Variants in SLC1A3 observed in about 807,000 individuals in gnomAD.
SLC1A3 encodes the protein excitatory amino acid transporter 1.
In SLC1A3, 21 loss-of-function variants were observed where a neutral mutation model predicts 48.1. The ratio of observed to expected loss-of-function variants is 0.44; its 90% CI spans 0.31 to 0.63. The LOEUF is 0.63. SLC1A3 is among the 20% of genes least tolerant of loss of function. The pLI is 0.08. For synonymous variants in SLC1A3, 239 were observed against 251.4 expected (o/e 0.95, Z 0.47); for missense variants, 546 against 689.0 (o/e 0.79, Z 2.32).
At chr5:36,651,924 T>A (rs1051637130) in intron 3 of SLC1A3, among the ~76,000 whole-genome samples, 2 of 152,138 alleles carry the variant, frequency 1.3e-5, no homozygotes, top group Non-Finnish European at 2.9e-5. Context: ...GGGTCAAAGT[T>A]CCAAGGTCCT....
chr5:36,648,769 T>G (rs1040753015), intron 3 of SLC1A3, among the ~76,000 whole-genome samples: 1 of 152,186 alleles, frequency 6.6e-6, no homozygotes, highest in South Asian at 2.1e-4. Flanking sequence ...ACTACATACA[T>G]TGTGAAGACT....
rs1051146125 is a variant in SLC1A3 at position 36,675,617 on chromosome 5, G to A, written c.568-1275G>A. Among the ~76,000 whole-genome samples the A allele has an allele frequency of 3.3e-5, 5 of 152,300 alleles. No homozygotes were observed. The East Asian group carries it at 9.6e-4, about 29-fold the overall frequency. ...GGGAATGAGTTAGAGGCATAAGAAA[G>A]CCTGATCAGGATTGAAAATCTGCCC... On this transcript the variant is annotated intron_variant, in intron 5 of 9. Transcript: ENST00000265113.
intron 5 of SLC1A3, among the ~76,000 whole-genome samples, chr5:36,675,244 T>C (rs1459394393): frequency 6.7e-5 from 8 of 120,210 alleles, no homozygotes; most frequent in Non-Finnish European, 1.5e-4. Flanking sequence ...CAAACCAAAT[T>C]CTTTCTTTAA....
upstream of SLC1A3, among the ~76,000 whole-genome samples, chr5:36,602,026 G>C (rs1738814661): frequency 6.6e-6 from 1 of 152,094 alleles, no homozygotes; most frequent in Admixed American, 6.5e-5. Flanking sequence ...AGCACAAAGT[G>C]GTAATGACTC....
At chr5:36,622,982 AG>A (rs1215010827) in intron 2 of SLC1A3, among the ~76,000 whole-genome samples, 44 of 149,240 alleles carry the variant, frequency 2.9e-4, no homozygotes, top group African/African-American at 1.1e-3. Context: ...ACTGCACTGC[AG>A]CCTGGGCTAC....
chr5:36,628,342 T>A (rs1739994212), intron 2 of SLC1A3, among the ~76,000 whole-genome samples: 2 of 152,132 alleles, frequency 1.3e-5, no homozygotes, highest in South Asian at 4.1e-4. Flanking sequence ...ACAGTTCAGT[T>A]TCCGTAAAAG....
At chr5:36,624,274 T>A (rs1032159732) in intron 2 of SLC1A3, among the ~76,000 whole-genome samples, 2 of 152,178 alleles carry the variant, frequency 1.3e-5, no homozygotes, top group African/African-American at 4.8e-5. Context: ...TCAAAATAGA[T>A]GAAAAAGTAG....
At chr5:36,632,300 C>T (rs1740164857) in intron 3 of SLC1A3, among the ~76,000 whole-genome samples, 1 of 152,194 alleles carries the variant, frequency 6.6e-6, no homozygotes, top group Admixed American at 6.5e-5. Context: ...GCAAAGCAAA[C>T]GCAGTACACC....
chr5:36,606,783 C>A (rs1738957930), intron 1 of SLC1A3, 48 bp downstream of exon 1: 1 of 152,348 alleles, frequency 6.6e-6, no homozygotes, highest in Non-Finnish European at 1.5e-5. Context: ...TCTCCTTTCA[C>A]TTCTCTGCCG....
At chr5:36,651,262 T>C (rs56357960) in intron 3 of SLC1A3, among the ~76,000 whole-genome samples, 69,871 of 150,880 alleles carry the variant, frequency 0.46, 16,879 homozygotes, top group Non-Finnish European at 0.53. Context: ...CTAACTCCAC[T>C]GCCCTCTACT....
At chr5:36,607,774 T>C (rs1358886625) in intron 1 of SLC1A3, among the ~76,000 whole-genome samples, 2 of 152,238 alleles carry the variant, frequency 1.3e-5, no homozygotes, top group Non-Finnish European at 2.9e-5. Flanking sequence ...TGTGTTCTTT[T>C]TATGACCATA....
At chr5:36,612,185 TCACA>T (rs1013135663) in intron 2 of SLC1A3, among the ~76,000 whole-genome samples, 2 of 151,518 alleles carry the variant, frequency 1.3e-5, no homozygotes, top group African/African-American at 4.8e-5. Flanking sequence ...TATTGATCTC[TCACA>T]CACACACACA....
At chr5:36,634,001 C>A (rs564218737) in intron 3 of SLC1A3, among the ~76,000 whole-genome samples, 2 of 152,154 alleles carry the variant, frequency 1.3e-5, no homozygotes, top group Non-Finnish European at 2.9e-5. Context: ...AATGGCTGGG[C>A]GTCGTGGCTC....
chr5:36,661,186 C>A (rs368862880), intron 3 of SLC1A3, among the ~76,000 whole-genome samples: 2 of 152,184 alleles, frequency 1.3e-5, no homozygotes, highest in African/African-American at 2.4e-5. Context: ...TCCAGGCGGG[C>A]GGATCACCTG....
rs1227389534 is a variant in SLC1A3 at position 36,686,244 on chromosome 5, C to G, written c.1604C>G (p.Pro535Arg). 6.2e-7 allele frequency: 1 copy of G among 1,613,638 alleles called. No homozygotes were observed. Among genetic ancestry groups the G allele is most frequent in the Non-Finnish European group, 8.5e-7 (1 of 1,179,674 alleles). Residue 535 changes from proline to arginine, a missense_variant, in exon 10 of 10, where the codon CCC becomes CGC. Transcript: ENST00000265113. ...LIAQDNETEKPIDSETKM is the reference protein window; with the variant it reads ...LIAQDNETEKRIDSETKM Reference sequence around the variant, plus strand: ...GCACAGGACAATGAAACTGAGAAACCCATCGACAGTGAAACCAAGATGTAG... The same window carrying G: ...GCACAGGACAATGAAACTGAGAAACGCATCGACAGTGAAACCAAGATGTAG...
In SLC1A3 at chr5:36,608,327, A is replaced by T; in HGVS notation, c.-95-2A>T. The T allele has an allele frequency of 9.2e-7, 1 of 1,089,958 alleles. No individual in the cohort carries two copies. The highest frequency in any genetic ancestry group is 1.4e-6 in the Non-Finnish European group (1 of 723,898). The allele number at this position is 1,089,958 out of a possible 1,614,324, so 67.5% of individuals were successfully genotyped here. A position where few individuals can be genotyped will look rare whatever the true frequency, so the allele number is the denominator to read the frequency against. On this transcript the variant is annotated splice_acceptor_variant, in intron 1 of 9. Transcript: ENST00000265113. LOFTEE classifies it low-confidence loss of function (5UTR_SPLICE). The stretch of plus-strand genomic sequence containing the variant: ...CTCATGTCTCTTTTTCTCCCATTCT[A>T]GTTGTGTTTTCTAATACCAAAGAGG...
chr5:36,644,046 TA>T (rs1740738472), intron 3 of SLC1A3, among the ~76,000 whole-genome samples: 2 of 150,862 alleles, frequency 1.3e-5, no homozygotes, highest in Non-Finnish European at 2.9e-5. Context: ...AATAAATAAA[TA>T]AATAAATAAA....
intron 9 of SLC1A3, among the ~76,000 whole-genome samples, chr5:36,685,117 C>T (rs1246572107): frequency 6.6e-6 from 1 of 152,022 alleles, no homozygotes; most frequent in East Asian, 1.9e-4. Context: ...TAAATTTCCA[C>T]TTGTTAATTT....
chr5:36,664,059 G>A (rs1225962989), intron 3 of SLC1A3, among the ~76,000 whole-genome samples: 6 of 152,180 alleles, frequency 3.9e-5, no homozygotes, highest in Admixed American at 6.5e-5. Flanking sequence ...TGGGTATGGT[G>A]GACAGCCCAA....
Sources: allele counts gnomAD v4.1 joint callset (sites outside exome capture counted in the v4.1 genomes callset), GRCh38; gene constraint gnomAD v4.1.1; transcripts MANE v1.5; gene names NCBI Gene and HGNC (gene_info 2026-07-23, HGNC 2026-07-21).